Variants in DGKB observed in about 807,000 individuals in gnomAD.
DGKB encodes the protein diacylglycerol kinase beta, also known as 90 kDa diacylglycerol kinase.
DGKB carries 67 observed loss-of-function variants against 114.3 expected under a neutral mutation model. That is an observed-to-expected ratio of 0.59 (90% CI 0.48 to 0.72). The LOEUF is 0.72. Among genes scored for constraint, DGKB ranks in the 30% least tolerant of loss-of-function variants. The pLI is 0.00. For missense variants in DGKB, 907 were observed against 975.2 expected, an observed-to-expected ratio of 0.93 and a Z score of 0.93; for synonymous variants, 398 against 323.1, an observed-to-expected ratio of 1.23 and a Z score of -2.49.
At position 14,736,041 on chromosome 7, in the gene DGKB, C is replaced by T. The variant is rs758293918; in HGVS notation, c.322G>A (p.Gly108Ser). Residue 108 changes from glycine (G) to serine (S), a missense_variant and splice_region_variant, in exon 5 of 26, where the codon GGT becomes AGT. Around this residue, in one of 3 missense-constraint regions of DGKB, gnomAD observed 814 missense variants for 856.6 expected, o/e 0.95. Transcript: ENST00000402815. ...VKSKPALLSG[G>S]LRMNKGAITP... ...AAATGTTTAAAGTAAGTAAACTTAC[C>T]GCCTGATAGGAGAGCAGGCTTACTT... 8 of 1,573,586 alleles carry T rather than the reference C, an allele frequency of 5.1e-6. No individual in the cohort carries two copies. The highest frequency in any genetic ancestry group is 6.9e-6 in the Non-Finnish European group (8 of 1,158,732).
intron 1 of DGKB, among the ~76,000 whole-genome samples, chr7:14,855,355 G>C (rs1480575387): frequency 3.9e-5 from 6 of 152,002 alleles, no homozygotes; most frequent in African/African-American, 7.3e-5. Context: ...TTCTACTTAG[G>C]TATATAGTTT....
At chr7:14,515,336 T>G (rs1054747074) in intron 20 of DGKB, among the ~76,000 whole-genome samples, 1 of 152,134 alleles carries the variant, frequency 6.6e-6, no homozygotes, top group Non-Finnish European at 1.5e-5. Flanking sequence ...AAACATGAAA[T>G]CAGTGATAAC....
At chr7:14,958,648 A>C (rs887607758) in intron 1 of DGKB, among the ~76,000 whole-genome samples, 1 of 151,342 alleles carries the variant, frequency 6.6e-6, no homozygotes, top group Non-Finnish European at 1.5e-5. Context: ...AGCCTTTTCA[A>C]CTCTAGCCTG....
At chr7:14,300,761 A>G (rs540969018) in intron 23 of DGKB, among the ~76,000 whole-genome samples, 2 of 152,224 alleles carry the variant, frequency 1.3e-5, no homozygotes, top group African/African-American at 2.4e-5. Context: ...TGTCTCCTAT[A>G]TGGCTGTACT....
At chr7:14,440,239 C>T (rs921074297) in intron 21 of DGKB, among the ~76,000 whole-genome samples, 2 of 152,088 alleles carry the variant, frequency 1.3e-5, no homozygotes, top group Non-Finnish European at 2.9e-5. Context: ...AACACTTGTG[C>T]CTGGGTTCTG....
chr7:14,301,474 C>T (rs751360607), intron 23 of DGKB, among the ~76,000 whole-genome samples: 7 of 152,152 alleles, frequency 4.6e-5, no homozygotes, highest in Non-Finnish European at 1.0e-4. Context: ...AACAGCAATA[C>T]TGATCTAATT....
At chr7:14,264,571 C>G (rs1041538343) in intron 23 of DGKB, among the ~76,000 whole-genome samples, 3 of 152,150 alleles carry the variant, frequency 2.0e-5, no homozygotes, top group Non-Finnish European at 4.4e-5. Flanking sequence ...GAAAGTCAAG[C>G]AACTTCTATT....
At chr7:14,653,729 A>G (rs1815156471) in intron 13 of DGKB, among the ~76,000 whole-genome samples, 1 of 152,144 alleles carries the variant, frequency 6.6e-6, no homozygotes, top group Admixed American at 6.6e-5. Context: ...TCATATATGC[A>G]AATCAATAAA....
intron 1 of DGKB, among the ~76,000 whole-genome samples, chr7:14,852,353 T>C (rs1190431279): frequency 6.6e-6 from 1 of 151,768 alleles, no homozygotes; most frequent in Non-Finnish European, 1.5e-5. Context: ...GCCAGGTGCA[T>C]ATTGTTTATC....
At chr7:14,382,963 G>T (rs748065801) in intron 21 of DGKB, among the ~76,000 whole-genome samples, 1 of 152,206 alleles carries the variant, frequency 6.6e-6, no homozygotes, top group Non-Finnish European at 1.5e-5. Flanking sequence ...TGATAAAAAT[G>T]TGGTGTCCAG....
At chr7:14,292,071 A>G (rs1269134179) in intron 23 of DGKB, among the ~76,000 whole-genome samples, 1 of 152,198 alleles carries the variant, frequency 6.6e-6, no homozygotes, top group Non-Finnish European at 1.5e-5. Context: ...CTGGTATGGA[A>G]AGCAGCAGAA....
At chr7:14,714,335 A>G (rs1420804133) in intron 6 of DGKB, among the ~76,000 whole-genome samples, 1 of 152,126 alleles carries the variant, frequency 6.6e-6, no homozygotes, top group Non-Finnish European at 1.5e-5. Flanking sequence ...CCTTGTGACT[A>G]GGACATGGTT....
intron 19 of DGKB, among the ~76,000 whole-genome samples, chr7:14,577,582 A>G (rs939367964): frequency 6.6e-6 from 1 of 151,950 alleles, no homozygotes; most frequent in East Asian, 1.9e-4. Flanking sequence ...GCGCCACTGC[A>G]CTCCAGCCTG....
At chr7:14,894,844 G>T (rs1011862855) in intron 1 of DGKB, among the ~76,000 whole-genome samples, 1 of 151,536 alleles carries the variant, frequency 6.6e-6, no homozygotes, top group African/African-American at 2.4e-5. Context: ...CAAAACAACA[G>T]TCCTCCCATA....
intron 4 of DGKB, among the ~76,000 whole-genome samples, chr7:14,742,267 T>C (rs147745473): frequency 8.9e-4 from 136 of 152,300 alleles, no homozygotes; most frequent in African/African-American, 3.2e-3. Flanking sequence ...AATTAGGAGA[T>C]TGGCAAATGA....
At chr7:14,485,987 T>A (rs996254820) in intron 20 of DGKB, among the ~76,000 whole-genome samples, 2 of 152,208 alleles carry the variant, frequency 1.3e-5, no homozygotes, top group African/African-American at 4.8e-5. Context: ...GTATTTGATA[T>A]TAGGTGATGG....
At chr7:14,628,198 CTGTG>C (rs991107593) in intron 14 of DGKB, among the ~76,000 whole-genome samples, 13 of 152,072 alleles carry the variant, frequency 8.5e-5, no homozygotes, top group South Asian at 4.1e-4. Flanking sequence ...GTAATTGTAA[CTGTG>C]TAATTTAATT....
chr7:14,203,736 A>G (rs1279814777), intron 23 of DGKB, among the ~76,000 whole-genome samples: 1 of 151,990 alleles, frequency 6.6e-6, no homozygotes, highest in Non-Finnish European at 1.5e-5. Flanking sequence ...ATGGAAATGT[A>G]AAGAGTTTGT....
chr7:14,835,812 CAT>C (rs1392602705), intron 2 of DGKB, among the ~76,000 whole-genome samples: 6 of 152,156 alleles, frequency 3.9e-5, no homozygotes, highest in South Asian at 4.1e-4. Context: ...TCATGAAAAA[CAT>C]AAACAAATTA....
Sources: allele counts gnomAD v4.1 joint callset (sites outside exome capture counted in the v4.1 genomes callset), GRCh38; gene constraint gnomAD v4.1.1; regional missense constraint gnomAD v4.1.1; transcripts MANE v1.5; gene names NCBI Gene and HGNC (gene_info 2026-07-23, HGNC 2026-07-21).